Variants in KYNU observed in about 807,000 individuals in gnomAD.
KYNU encodes kynureninase, also known as L-kynurenine hydrolase.
In KYNU, 54 loss-of-function variants were observed where a neutral mutation model predicts 59.2. That is an observed-to-expected ratio of 0.91 (90% CI 0.73 to 1.14). KYNU has a LOEUF of 1.14. Ranked by LOEUF, KYNU falls within the 50% of genes most tolerant of loss-of-function variation. The probability of loss-of-function intolerance (pLI) is 0.00; values close to 1 mark genes in which losing one functional copy is unlikely to be tolerated. For synonymous variants in KYNU, 177 were observed against 192.0 expected, an observed-to-expected ratio of 0.92 and a Z score of 0.65; for missense variants, 567 against 554.4, an observed-to-expected ratio of 1.02 and a Z score of -0.23.
chr2:142,900,096 C>G (rs760836482), intron 2 of KYNU, among the ~76,000 whole-genome samples: 2 of 152,154 alleles, frequency 1.3e-5, no homozygotes, highest in Admixed American at 6.5e-5. Context: ...CCATGGGTCA[C>G]GGAAGAGAAC....
At chr2:143,022,539 T>C (rs1449424131) in intron 10 of KYNU, among the ~76,000 whole-genome samples, 2 of 152,008 alleles carry the variant, frequency 1.3e-5, no homozygotes, top group African/African-American at 4.8e-5. Context: ...CCCATACCTC[T>C]TTTTTGATTT....
intron 1 of KYNU, among the ~76,000 whole-genome samples, chr2:142,883,139 C>T (rs186412047): frequency 6.6e-6 from 1 of 151,142 alleles, no homozygotes; most frequent in East Asian, 1.9e-4. Flanking sequence ...CCAATGGTAT[C>T]CCATTAAACT....
In KYNU at chr2:142,985,981, G is replaced by T; in HGVS notation, c.862G>T (p.Ala288Ser). The change falls in exon 10 of 14, where the codon GCC becomes TCC. Residue 288 changes from alanine (A) to serine (S), a missense_variant. By Grantham distance (99) the Ala-to-Ser change is moderately conservative. Coordinates refer to ENST00000264170, the MANE Select transcript of KYNU (RefSeq NM_003937.3). Reference sequence around the variant, plus strand: ...TGCAGGAGCAGGAGGAATTGCTGGTGCCTTCATTCATGAAAAGCATGCCCA... The same window carrying T: ...TGCAGGAGCAGGAGGAATTGCTGGTTCCTTCATTCATGAAAAGCATGCCCA... ...LNAGAGGIAG[A>S]FIHEKHAHTI... The T allele has an allele frequency of 1.2e-6, 2 of 1,610,686 alleles. No homozygotes were observed. Among genetic ancestry groups the T allele is most frequent in the Non-Finnish European group, 1.7e-6 (2 of 1,177,692 alleles).
intron 3 of KYNU, among the ~76,000 whole-genome samples, chr2:142,925,497 T>G (rs6755074): frequency 0.37 from 56,862 of 152,066 alleles, 10,861 homozygotes; most frequent in South Asian, 0.56. Context: ...CAGGGTACTA[T>G]GTAACCGTCT....
intron 10 of KYNU, among the ~76,000 whole-genome samples, chr2:143,011,748 T>G (rs1325351684): frequency 1.9e-5 from 2 of 104,916 alleles, no homozygotes; most frequent in Non-Finnish European, 3.7e-5. Flanking sequence ...AAATGATGAG[T>G]TCATGTCCTT....
At chr2:142,998,300 G>T (rs1341333404) in intron 10 of KYNU, among the ~76,000 whole-genome samples, 1 of 152,160 alleles carries the variant, frequency 6.6e-6, no homozygotes, top group East Asian at 1.9e-4. Context: ...AACTAATTCA[G>T]TGGTTTTTAA....
rs746357812 is a variant in KYNU, at chr2:142,918,678, C to G, written c.239C>G (p.Pro80Arg). Residue 80 changes from proline (P) to arginine (R), a missense_variant, in exon 3 of 14, where the codon CCA becomes CGA. Coordinates refer to ENST00000264170, the MANE Select transcript of KYNU (RefSeq NM_003937.3). ...TTGGGAAATTCTCTTGGCCTTCAAC[C>G]AAAAATGGTTAAAACATATCTTGAA... ...YFLGNSLGLQ[P>R]KMVKTYLEEE... 1.3e-5 allele frequency: 21 copies of G among 1,610,626 alleles called. No homozygotes were observed. Among genetic ancestry groups the G allele is most frequent in the Non-Finnish European group, 1.7e-5 (20 of 1,178,716 alleles).
intron 2 of KYNU, among the ~76,000 whole-genome samples, chr2:142,888,712 C>T (rs2104915717): frequency 6.6e-6 from 1 of 151,704 alleles, no homozygotes; most frequent in East Asian, 1.9e-4. Flanking sequence ...AATTAATTCC[C>T]CTTCTTACTA....
Position 142,938,044 on chromosome 2 carries a change from A to AT in KYNU, c.373+10312dup, listed in dbSNP as rs1232139878. Among the ~76,000 whole-genome samples the AT allele has an allele frequency of 7.6e-3, 1,159 of 151,616 alleles. 6 individuals carry two copies. The highest frequency in any genetic ancestry group is 0.027 in the African/African-American group (1,110 of 41,336). The stretch of plus-strand genomic sequence containing the variant: ...TAAGATAGGAACAAGGACTTCGGTA[A>AT]TTTTTTTTTACGGGTTAGAGTAGAG... On this transcript the variant is annotated intron_variant, in intron 4 of 13. Transcript: ENST00000264170.
intron 2 of KYNU, among the ~76,000 whole-genome samples, chr2:142,888,632 G>A (rs1051787190): frequency 6.6e-6 from 1 of 151,906 alleles, no homozygotes; most frequent in Non-Finnish European, 1.5e-5. Flanking sequence ...TACTGAATCA[G>A]ATTGTTAAGG....
At chr2:142,896,384 T>C (rs1402540021) in intron 2 of KYNU, among the ~76,000 whole-genome samples, 3 of 152,242 alleles carry the variant, frequency 2.0e-5, no homozygotes, top group Non-Finnish European at 4.4e-5. Flanking sequence ...ATGTTCCTAA[T>C]GGCTAATGAA....
Position 143,005,041 on chromosome 2 carries a change from T to C in KYNU, c.902+19020T>C, listed in dbSNP as rs56406137. 6.2e-3 allele frequency among the ~76,000 whole-genome samples: 951 copies of C among 152,284 alleles called. 9 individuals are homozygous for C. The highest frequency in any genetic ancestry group is 0.021 in the African/African-American group (880 of 41,560). ...ATCTTGCCCTAGCTTAAGCTAAGAG[T>C]GAGGCTTCCTGATAAGTAGGTCATC... is the stretch of plus-strand genomic sequence containing the variant. On this transcript the variant is annotated intron_variant, in intron 10 of 13. Coordinates refer to ENST00000264170, the MANE Select transcript of KYNU (RefSeq NM_003937.3).
chr2:143,015,500 T>C (rs1403990795), intron 10 of KYNU, among the ~76,000 whole-genome samples: 3 of 152,140 alleles, frequency 2.0e-5, no homozygotes, highest in African/African-American at 7.2e-5. Context: ...ACTTAAATGC[T>C]GGATATAATA....
intron 4 of KYNU, among the ~76,000 whole-genome samples, chr2:142,932,740 T>C (rs1365820346): frequency 8.6e-6 from 1 of 116,582 alleles, no homozygotes; most frequent in East Asian, 3.0e-4. Context: ...GGCAGTGGAT[T>C]GGCTTCAATA....
chr2:142,996,887 A>G (rs1036405620), intron 10 of KYNU, among the ~76,000 whole-genome samples: 4 of 152,154 alleles, frequency 2.6e-5, no homozygotes, highest in African/African-American at 9.7e-5. Context: ...CAGCTTTCGA[A>G]TGCTGTCATT....
chr2:142,978,598 CA>C (rs1379991529), intron 8 of KYNU, among the ~76,000 whole-genome samples: 3 of 152,168 alleles, frequency 2.0e-5, no homozygotes, highest in Admixed American at 2.0e-4. Context: ...CAGTCCCTAG[CA>C]GTGAACATTC....
chr2:142,895,676 T>C (rs1234310820), intron 2 of KYNU, among the ~76,000 whole-genome samples: 2 of 152,094 alleles, frequency 1.3e-5, no homozygotes, highest in Non-Finnish European at 2.9e-5. Context: ...ACAGGTCTCA[T>C]GTATTCTTTT....
intron 3 of KYNU, among the ~76,000 whole-genome samples, chr2:142,923,178 T>C (rs1310767917): frequency 2.0e-5 from 3 of 152,208 alleles, no homozygotes; most frequent in South Asian, 2.1e-4. Context: ...CAGATGATAG[T>C]AGAACCAAAT....
chr2:142,881,296 A>T (rs1013858988), intron 1 of KYNU: 3 of 152,230 alleles, frequency 2.0e-5, no homozygotes, highest in Non-Finnish European at 2.9e-5. Context: ...GTCACAACTG[A>T]TATCAAAGTA....
Sources: allele counts gnomAD v4.1 joint callset (sites outside exome capture counted in the v4.1 genomes callset), GRCh38; gene constraint gnomAD v4.1.1; transcripts MANE v1.5; gene names NCBI Gene and HGNC (gene_info 2026-07-23, HGNC 2026-07-21).